ELMO1: variants seen among roughly 807,000 people sequenced by gnomAD.
The protein encoded by ELMO1 is engulfment and cell motility protein 1.
In ELMO1, 26 loss-of-function variants were observed where a neutral mutation model predicts 98.9. The ratio of observed to expected loss-of-function variants is 0.26; its 90% CI spans 0.19 to 0.36. ELMO1 has a LOEUF of 0.36. Ranked by LOEUF, ELMO1 falls within the 10% of genes least tolerant of loss-of-function variation. ELMO1 has a pLI of 1.00. For synonymous variants in ELMO1, 346 were observed against 346.0 expected, an observed-to-expected ratio of 1.00 and a Z score of 0.00; for missense variants, 627 against 935.2, an observed-to-expected ratio of 0.67 and a Z score of 4.30.
intron 15 of ELMO1, among the ~76,000 whole-genome samples, chr7:37,069,019 C>G (rs1797130508): frequency 6.6e-6 from 1 of 152,148 alleles, no homozygotes; most frequent in Non-Finnish European, 1.5e-5. Context: ...CTCCAAATGC[C>G]TCATCTCTCC....
rs143049963 is a variant in ELMO1 at position 37,228,523 on chromosome 7, T to C, written c.550-3493A>G. Among the ~76,000 whole-genome samples the C allele has an allele frequency of 2.6e-5, 4 of 152,328 alleles. No individual in the cohort carries two copies. In the East Asian group the frequency reaches 7.7e-4, roughly 29 times the overall value. On this transcript the variant is annotated intron_variant, in intron 8 of 21. Coordinates refer to ENST00000310758, the MANE Select transcript of ELMO1 (RefSeq NM_014800.11). ...AGAAGCAAGAGGAGTTAGCAGTAATTAATTATACACACTAGCTCCTTGTAC... is the reference window on the plus strand; with the variant it reads ...AGAAGCAAGAGGAGTTAGCAGTAATCAATTATACACACTAGCTCCTTGTAC...
intron 14 of ELMO1, among the ~76,000 whole-genome samples, chr7:37,097,121 A>G (rs922349785): frequency 5.9e-5 from 9 of 152,184 alleles, no homozygotes; most frequent in African/African-American, 2.2e-4. Flanking sequence ...CTTCAATAGG[A>G]TATTTTCCAA....
chr7:36,959,682 T>G (rs189271675), intron 16 of ELMO1, among the ~76,000 whole-genome samples: 1 of 152,304 alleles, frequency 6.6e-6, no homozygotes, highest in Non-Finnish European at 1.5e-5. Context: ...GTTTCTCTAA[T>G]TTTTTATTTT....
chr7:37,406,490 C>T (rs1803770014), intron 1 of ELMO1, among the ~76,000 whole-genome samples: 1 of 151,868 alleles, frequency 6.6e-6, no homozygotes, highest in Admixed American at 6.6e-5. Context: ...AGTGCAGTGG[C>T]GCGATCTCGG....
At chr7:36,985,844 G>A in intron 16 of ELMO1, 4 of 947,284 alleles carry the variant, frequency 4.2e-6, no homozygotes, top group Non-Finnish European at 5.1e-6. Context: ...AGTTTTCTCG[G>A]CAGACAATAG....
chr7:37,392,212 G>C (rs1161525309), intron 1 of ELMO1, among the ~76,000 whole-genome samples: 1 of 152,162 alleles, frequency 6.6e-6, no homozygotes, highest in Non-Finnish European at 1.5e-5. Context: ...AACAGAAAGA[G>C]GGAAGTTGCT....
At chr7:36,966,385 G>C (rs1041967339) in intron 16 of ELMO1, among the ~76,000 whole-genome samples, 3 of 152,170 alleles carry the variant, frequency 2.0e-5, no homozygotes, top group South Asian at 4.1e-4. Flanking sequence ...TTAAGACCAC[G>C]GGTTTTTAAC....
At chr7:36,955,952 C>A (rs1009277038) in intron 16 of ELMO1, among the ~76,000 whole-genome samples, 2 of 152,216 alleles carry the variant, frequency 1.3e-5, no homozygotes, top group African/African-American at 2.4e-5. Flanking sequence ...GCTAACTCAA[C>A]AGGGCTACTG....
chr7:37,038,152 G>A (rs992946892), intron 15 of ELMO1, among the ~76,000 whole-genome samples: 61 of 152,178 alleles, frequency 4.0e-4, no homozygotes, highest in South Asian at 8.3e-4. Flanking sequence ...CATTGGTCCC[G>A]ATCCCCTTGA....
chr7:37,180,257 C>T lies in ELMO1; in HGVS notation c.1086+31129G>A, dbSNP rs1023726990. Reference sequence around the variant, plus strand: ...TTTACAATGTAAGGCTGAAAAATGCCGTCTCCGTGCCATCACTGGTTTTTG... The same window carrying T: ...TTTACAATGTAAGGCTGAAAAATGCTGTCTCCGTGCCATCACTGGTTTTTG... On this transcript the variant is annotated intron_variant, in intron 13 of 21. Transcript: ENST00000310758. Among the ~76,000 whole-genome samples, 13 of 152,204 alleles carry T rather than the reference C, an allele frequency of 8.5e-5. No individual in the cohort carries two copies. In the East Asian group the frequency reaches 1.2e-3, roughly 14 times the overall value.
intron 16 of ELMO1, among the ~76,000 whole-genome samples, chr7:36,946,773 CCTT>C (rs1206309165): frequency 6.6e-6 from 1 of 152,080 alleles, no homozygotes; most frequent in Admixed American, 6.5e-5. Flanking sequence ...AGTCCTGGTC[CCTT>C]CTTCTCTTCT....
intron 15 of ELMO1, among the ~76,000 whole-genome samples, chr7:37,092,888 G>A (rs144016660): frequency 0.01 from 1,566 of 151,168 alleles, 10 homozygotes; most frequent in Middle Eastern, 0.024. Flanking sequence ...CTACTTTCTT[G>A]CCTCTGTCTA....
At chr7:37,094,093 C>T (rs1294502638) in intron 15 of ELMO1, among the ~76,000 whole-genome samples, 1 of 152,160 alleles carries the variant, frequency 6.6e-6, no homozygotes, top group Non-Finnish European at 1.5e-5. Flanking sequence ...CCCTCATAGT[C>T]TGTGGCATGT....
chr7:37,105,544 T>C (rs1458049794), intron 14 of ELMO1, among the ~76,000 whole-genome samples: 1 of 152,206 alleles, frequency 6.6e-6, no homozygotes, highest in Non-Finnish European at 1.5e-5. Context: ...ATTGCTGGAC[T>C]CCACCCCCAG....
intron 16 of ELMO1, among the ~76,000 whole-genome samples, chr7:36,956,382 CCTT>C (rs1218263267): frequency 1.3e-5 from 2 of 152,160 alleles, no homozygotes; most frequent in African/African-American, 4.8e-5. Flanking sequence ...TCTGCATATG[CCTT>C]CTTGTCTTTT....
intron 4 of ELMO1, among the ~76,000 whole-genome samples, chr7:37,298,400 C>A (rs1425060915): frequency 1.3e-5 from 2 of 148,674 alleles, no homozygotes. Context: ...TGTGCTGCAC[C>A]CACTAACTCG....
chr7:37,154,929 C>T (rs1788630781), intron 13 of ELMO1, among the ~76,000 whole-genome samples: 1 of 152,186 alleles, frequency 6.6e-6, no homozygotes, highest in Non-Finnish European at 1.5e-5. Flanking sequence ...TCAAGTTACC[C>T]ACAAAGGGAA....
chr7:37,013,237 C>A (rs1049254663), intron 16 of ELMO1, 62 bp downstream of exon 16: 1 of 1,594,108 alleles, frequency 6.3e-7, no homozygotes, highest in Non-Finnish European at 8.6e-7. Context: ...AGCCAAGGGA[C>A]CATGCAGCAG....
intron 16 of ELMO1, among the ~76,000 whole-genome samples, chr7:36,958,717 G>A (rs1788675275): frequency 6.6e-6 from 1 of 152,024 alleles, no homozygotes; most frequent in South Asian, 2.1e-4. Flanking sequence ...CACACTTGTT[G>A]TTTGCATACT....
Sources: gnomAD v4.1 joint callset for allele counts (sites outside exome capture counted in the v4.1 genomes callset) on GRCh38, gnomAD v4.1.1 for gene constraint, MANE v1.5 for transcripts, NCBI Gene and HGNC (gene_info 2026-07-23, HGNC 2026-07-21) for gene names.